RET: variants seen among roughly 807,000 people sequenced by gnomAD.
The protein encoded by RET is proto-oncogene tyrosine-protein kinase receptor Ret.
Under a neutral mutation model 118.3 loss-of-function variants are expected in RET, and 19 were observed. The ratio of observed to expected loss-of-function variants is 0.16; its 90% CI spans 0.11 to 0.24. The LOEUF is 0.24. RET is among the 10% of genes least tolerant of loss of function. The probability of loss-of-function intolerance (pLI) is 1.00; values close to 1 mark genes in which losing one functional copy is unlikely to be tolerated. For missense variants in RET, 1,219 were observed against 1,502.1 expected, an observed-to-expected ratio of 0.81 and a Z score of 3.12; for synonymous variants, 597 against 644.1, an observed-to-expected ratio of 0.93 and a Z score of 1.11.
chr10:43,109,252 G>T, intron 6 of RET, 22 bp downstream of exon 6: 2 of 1,608,642 alleles, frequency 1.2e-6, no homozygotes, highest in Non-Finnish European at 1.7e-6. Flanking sequence ...CCTATTGCCT[G>T]TCTGGGGAAG....
intron 1 of RET, among the ~76,000 whole-genome samples, chr10:43,084,094 G>T (rs1298573162): frequency 6.6e-6 from 1 of 152,208 alleles, no homozygotes; most frequent in Non-Finnish European, 1.5e-5. Context: ...TCCTGTGAGG[G>T]GTAAATAGTG....
chr10:43,119,767 C>T, intron 14 of RET, 22 bp downstream of exon 14: 1 of 1,609,432 alleles, frequency 6.2e-7, no homozygotes, highest in South Asian at 1.1e-5. Flanking sequence ...TGGCTCTGCA[C>T]CCAGCCAGCC....
At chr10:43,100,356 ACTC>A in intron 1 of RET, 100 bp from the exon 2 acceptor site, 2 of 1,375,456 alleles carry the variant, frequency 1.5e-6, no homozygotes, top group Non-Finnish European at 2.0e-6. Context: ...GAGATGAAAA[ACTC>A]CTGCTAAGAT....
rs758817204 is a variant in RET at position 43,112,846 on chromosome 10, T to G, written c.1649-7T>G. On this transcript the variant is annotated splice_polypyrimidine_tract_variant and splice_region_variant and intron_variant, in intron 8 of 19. Transcript: ENST00000355710. ...ATGGGTGACAGCCTGCTGTGTGTCCTGTGCAGGGATCACCAGGAACTTCTC... is the reference window on the plus strand; with the variant it reads ...ATGGGTGACAGCCTGCTGTGTGTCCGGTGCAGGGATCACCAGGAACTTCTC... 1 of 1,610,258 alleles carries G rather than the reference T, an allele frequency of 6.2e-7. No homozygotes were observed. Among genetic ancestry groups the G allele is most frequent in the Non-Finnish European group, 8.5e-7 (1 of 1,176,706 alleles).
intron 15 of RET, among the ~76,000 whole-genome samples, chr10:43,121,378 C>T (rs532322873): frequency 7.4e-4 from 112 of 152,244 alleles, no homozygotes; most frequent in African/African-American, 2.6e-3. Flanking sequence ...TCTCAAGTCA[C>T]CCTGGAAAGG....
At chr10:43,109,574 T>C (rs1183161841) in intron 6 of RET, among the ~76,000 whole-genome samples, 1 of 152,196 alleles carries the variant, frequency 6.6e-6, no homozygotes, top group Non-Finnish European at 1.5e-5. Context: ...TGCAGAGATG[T>C]TGGTCCCACG....
Position 43,120,149 on chromosome 10 carries a change from T to C in RET, c.2676T>C (p.Asp892=), listed in dbSNP as rs768753935. The C allele has an allele frequency of 8.1e-6, 13 of 1,613,830 alleles. No individual in the cohort carries two copies. The highest frequency in any genetic ancestry group is 6.7e-5 in the African/African-American group (5 of 74,932). The change falls in exon 15 of 20, where the codon GAT becomes GAC. Residue 892 remains aspartate, a synonymous_variant. Coordinates refer to ENST00000355710, the MANE Select transcript of RET (RefSeq NM_020975.6). ...AGGGGCGGAAGATGAAGATTTCGGA[T>C]TTCGGCTTGTCCCGAGATGTTTATG... ...VAEGRKMKIS[D]FGLSRDVYEE...
In RET at chr10:43,128,105, T is replaced by A; in HGVS notation, c.3188-7T>A. 6.2e-7 allele frequency: 1 copy of A among 1,614,124 alleles called. No homozygotes were observed. Among genetic ancestry groups the A allele is most frequent in the Non-Finnish European group, 8.5e-7 (1 of 1,180,016 alleles). On this transcript the variant is annotated splice_region_variant and splice_polypyrimidine_tract_variant and intron_variant, in intron 19 of 19. Transcript: ENST00000355710. ...GTGCAGAACAAATGATCTGTTTTCA[T>A]TTTTAGGCATGTCAGACCCGAACTG... is the stretch of plus-strand genomic sequence containing the variant.
rs1838014993 is a variant in RET, at chr10:43,114,435, C to G, written c.1880-45C>G. 1.9e-6 allele frequency: 3 copies of G among 1,601,184 alleles called. No individual in the cohort carries two copies. Among genetic ancestry groups the G allele is most frequent in the Non-Finnish European group, 1.7e-6 (2 of 1,179,706 alleles). On this transcript the variant is annotated intron_variant, in intron 10 of 19. Transcript: ENST00000355710. The surrounding 1 kb of genome is among the most constrained non-coding windows in gnomAD (Gnocchi z 4.6). The stretch of plus-strand genomic sequence containing the variant: ...CATACGCAGCCTGTACCCAGTGGTG[C>G]CGAGCCTCTGGCGGTGCCAAGCCTC...
At position 43,102,393 on chromosome 10, in the gene RET, C is replaced by T. The variant is rs1304848478; in HGVS notation, c.389C>T (p.Thr130Ile). ...TACCTCAAGGTCTTCCTGTCACCCA[C>T]ATCCCTTCGTGAGGGCGAGTGCCAG... ...TVYLKVFLSP[T>I]SLREGECQWP... is the part of the protein sequence containing the mutation. The change falls in exon 3 of 20, where the codon ACA (threonine) becomes ATA (isoleucine). Residue 130 changes from threonine (T) to isoleucine (I), a missense_variant. Physicochemically the swap from Thr to Ile is moderately conservative, Grantham distance 89. Around this residue, in one of 5 missense-constraint regions of RET, gnomAD observed 84 missense variants for 163.6 expected, o/e 0.51. Transcript: ENST00000355710. The T allele has an allele frequency of 1.2e-6, 2 of 1,614,166 alleles. No homozygotes were observed. The highest frequency in any genetic ancestry group is 1.7e-6 in the Non-Finnish European group (2 of 1,180,066).
rs1837792254 is a variant in RET, at chr10:43,106,850, C to T, written c.1063+279C>T. ...CCCCCCTGCTGACCTCACCAGGGCT[C>T]ACCACCGACTGCAAACACACATGTC... On this transcript the variant is annotated intron_variant, in intron 5 of 19. Transcript: ENST00000355710. This position sits in a 1 kb window ranked among gnomAD's most constrained non-coding sequence, Gnocchi z 5.1. 6.6e-6 allele frequency among the ~76,000 whole-genome samples: 1 copy of T among 152,314 alleles called. No individual in the cohort carries two copies. Among genetic ancestry groups the T allele is most frequent in the South Asian group, 2.1e-4 (1 of 4,828 alleles).
intron 3 of RET, 23 bp from the exon 4 acceptor site, chr10:43,104,929 G>GC (rs1253259113): frequency 6.5e-7 from 1 of 1,550,278 alleles, no homozygotes; most frequent in Non-Finnish European, 8.6e-7. Context: ...ATCACGCGGG[G>GC]CCCCTGTCTG....
At chr10:43,090,449 G>T (rs1350715281) in intron 1 of RET, among the ~76,000 whole-genome samples, 1 of 152,102 alleles carries the variant, frequency 6.6e-6, no homozygotes, top group Admixed American at 6.5e-5. Context: ...GCTTCTGGGC[G>T]CTGCCTCCTC....
chr10:43,121,569 C>A (rs1254279459), intron 15 of RET, among the ~76,000 whole-genome samples: 5 of 152,230 alleles, frequency 3.3e-5, no homozygotes, highest in Non-Finnish European at 7.3e-5. Flanking sequence ...AAGTGCCCAA[C>A]ATGGAAATGC....
intron 1 of RET, among the ~76,000 whole-genome samples, chr10:43,095,616 A>G (rs1478713876): frequency 1.3e-5 from 2 of 152,196 alleles, no homozygotes; most frequent in East Asian, 3.9e-4. Context: ...ACAGTCTAGC[A>G]CTTCACTCTG....
Position 43,128,545 on chromosome 10 carries a change from T to C in RET, c.*276T>C, listed in dbSNP as rs1453840565. On this transcript the variant is annotated 3_prime_UTR_variant, in exon 20 of 20. Coordinates refer to ENST00000355710, the MANE Select transcript of RET (RefSeq NM_020975.6). ...CTTCAGTGCCCAGCAGCACCCAGTG[T>C]TGGTCTGTGTCCATCAGTGACCACC... 2 of 530,772 alleles carry C rather than the reference T, an allele frequency of 3.8e-6. No homozygotes were observed. Among genetic ancestry groups the C allele is most frequent in the East Asian group, 6.6e-5 (2 of 30,304 alleles). The allele number at this position is 530,772 out of a possible 1,614,324, so 32.9% of individuals were successfully genotyped here. A position where few individuals can be genotyped will look rare whatever the true frequency, so the allele number is the denominator to read the frequency against.
intron 6 of RET, among the ~76,000 whole-genome samples, chr10:43,110,044 G>A (rs1000202095): frequency 1.3e-5 from 2 of 152,208 alleles, no homozygotes; most frequent in Non-Finnish European, 2.9e-5. Flanking sequence ...GCAGCCACCC[G>A]TGTCCAGCCC....
intron 1 of RET, among the ~76,000 whole-genome samples, chr10:43,080,673 C>T (rs1837159434): frequency 6.6e-6 from 1 of 152,228 alleles, no homozygotes; most frequent in Admixed American, 6.5e-5. Flanking sequence ...GACATCCCAG[C>T]CCAGATCCCA....
At position 43,106,381 on chromosome 10, in the gene RET, C is replaced by A. The variant is rs1342683619; in HGVS notation, c.873C>A (p.Thr291=). 6.2e-7 allele frequency: 1 copy of A among 1,610,460 alleles called. No individual in the cohort carries two copies. Among genetic ancestry groups the A allele is most frequent in the Non-Finnish European group, 8.5e-7 (1 of 1,179,844 alleles). The change falls in exon 5 of 20, where the codon ACC becomes ACA. Residue 291 remains threonine (T), a synonymous_variant. Transcript: ENST00000355710. The surrounding 1 kb of genome is among the most constrained non-coding windows in gnomAD (Gnocchi z 5.1). ...AVVEFKRKED[T]VVATLRVFDA... is the part of the protein sequence containing the mutation. ...ACGCCCTCTGCATCCTGCAGGACAC[C>A]GTGGTGGCCACGCTGCGTGTCTTCG...
Sources: gnomAD v4.1 joint callset for allele counts (sites outside exome capture counted in the v4.1 genomes callset) on GRCh38, gnomAD v4.1.1 for gene constraint, gnomAD v4.1.1 regional missense constraint, Gnocchi (gnomAD v3.1) non-coding constraint, MANE v1.5 for transcripts, NCBI Gene and HGNC (gene_info 2026-07-23, HGNC 2026-07-21) for gene names.